LRMDA: variants seen among roughly 807,000 people sequenced by gnomAD.
LRMDA encodes leucine-rich melanocyte differentiation-associated protein.
A neutral mutation model predicts 29.8 loss-of-function variants in LRMDA; 18 were observed. The ratio of observed to expected loss-of-function variants is 0.60; its 90% CI spans 0.42 to 0.90. The LOEUF (loss-of-function observed/expected upper bound fraction) is 0.90, where lower values mean the gene tolerates loss of function less well. Ranked by LOEUF, LRMDA falls within the 40% of genes least tolerant of loss-of-function variation. LRMDA has a pLI of 0.00. For missense variants in LRMDA, 273 were observed against 273.9 expected, an observed-to-expected ratio of 1.00 and a Z score of 0.02; for synonymous variants, 125 against 109.4, an observed-to-expected ratio of 1.14 and a Z score of -0.89.
intron 5 of LRMDA, among the ~76,000 whole-genome samples, chr10:76,261,064 CTTT>C (rs58554883): frequency 1.7e-5 from 2 of 117,730 alleles, no homozygotes; most frequent in South Asian, 2.7e-4. Context: ...CTTTTCTTTT[CTTT>C]TTTTTTTTTT....
At chr10:75,997,892 C>A (rs1175163051) in intron 2 of LRMDA, among the ~76,000 whole-genome samples, 1 of 152,232 alleles carries the variant, frequency 6.6e-6, no homozygotes, top group Non-Finnish European at 1.5e-5. Flanking sequence ...CTTTTCCTCT[C>A]CCCCTCTCTC....
chr10:76,423,728 C>T (rs1218534689), intron 6 of LRMDA, among the ~76,000 whole-genome samples: 1 of 152,244 alleles, frequency 6.6e-6, no homozygotes, highest in African/African-American at 2.4e-5. Context: ...CGATCAAAAT[C>T]TGATGCCCTA....
chr10:76,214,714 T>C (rs571931412), intron 5 of LRMDA, among the ~76,000 whole-genome samples: 4 of 152,298 alleles, frequency 2.6e-5, no homozygotes, highest in African/African-American at 7.2e-5. Flanking sequence ...TGAAGACTTA[T>C]TGACTAGATA....
intron 2 of LRMDA, among the ~76,000 whole-genome samples, chr10:75,488,286 C>G (rs111914500): frequency 0.016 from 2,435 of 152,240 alleles, 28 homozygotes; most frequent in Non-Finnish European, 0.027. Context: ...AGAACTTTTC[C>G]TTTCTTTTCC....
At chr10:76,478,859 G>A (rs575635419) in intron 6 of LRMDA, among the ~76,000 whole-genome samples, 68 of 149,344 alleles carry the variant, frequency 4.6e-4, no homozygotes, top group African/African-American at 1.3e-3. Flanking sequence ...AGAACACTTC[G>A]ACACAGGAAG....
At chr10:75,546,560 C>A (rs1360227676) in intron 2 of LRMDA, among the ~76,000 whole-genome samples, 2 of 151,930 alleles carry the variant, frequency 1.3e-5, no homozygotes, top group Non-Finnish European at 2.9e-5. Context: ...GTATTTTTTT[C>A]TGCTAGTTTC....
intron 2 of LRMDA, among the ~76,000 whole-genome samples, chr10:76,013,188 G>T (rs576952986): frequency 2.2e-4 from 33 of 152,210 alleles, no homozygotes; most frequent in Non-Finnish European, 4.1e-4. Context: ...AGTGAGGGGG[G>T]TGGTAATGGG....
chr10:76,336,546 G>C (rs1213937656), intron 6 of LRMDA, among the ~76,000 whole-genome samples: 1 of 152,138 alleles, frequency 6.6e-6, no homozygotes, highest in Non-Finnish European at 1.5e-5. Context: ...GCTGTTCCAG[G>C]GCAAATGTTT....
chr10:76,458,155 A>T (rs1413533776), intron 6 of LRMDA, among the ~76,000 whole-genome samples: 2 of 92,000 alleles, frequency 2.2e-5, no homozygotes, highest in African/African-American at 7.1e-5. Flanking sequence ...CTGTTTAATT[A>T]AAAAAAATTT....
At chr10:76,392,368 A>G (rs545844971) in intron 6 of LRMDA, among the ~76,000 whole-genome samples, 2 of 152,238 alleles carry the variant, frequency 1.3e-5, no homozygotes, top group East Asian at 3.9e-4. Context: ...TCATGTACAA[A>G]TGTTTTGAAT....
chr10:75,888,021 C>A (rs1589241725), intron 2 of LRMDA, among the ~76,000 whole-genome samples: 1 of 152,280 alleles, frequency 6.6e-6, no homozygotes, highest in East Asian at 1.9e-4. Flanking sequence ...GATTCTATTA[C>A]TATGTAAGAG....
intron 5 of LRMDA, among the ~76,000 whole-genome samples, chr10:76,083,658 G>A (rs952307012): frequency 7.9e-5 from 12 of 152,084 alleles, no homozygotes; most frequent in South Asian, 2.1e-4. Flanking sequence ...GTGAAACCCC[G>A]TCTCTACTAA....
At chr10:75,873,396 T>G (rs1189676736) in intron 2 of LRMDA, among the ~76,000 whole-genome samples, 3 of 152,234 alleles carry the variant, frequency 2.0e-5, no homozygotes, top group African/African-American at 4.8e-5. Flanking sequence ...TTCGAATCAT[T>G]CCTTTTAGTG....
rs181389852 is a variant in LRMDA at position 75,505,407 on chromosome 10, C to T, written c.131+66913C>T. 2.1e-3 allele frequency among the ~76,000 whole-genome samples: 321 copies of T among 152,274 alleles called. 1 individual carries two copies. The highest frequency in any genetic ancestry group is 5.4e-3 in the Admixed American group (82 of 15,298). On this transcript the variant is annotated intron_variant, in intron 2 of 6. Transcript: ENST00000611255. ...CATCCCAAGGGTCAGAACTGAGTCT[C>T]ATGGCCACACATAGTTGTAGATAAT...
intron 2 of LRMDA, among the ~76,000 whole-genome samples, chr10:75,609,545 T>C (rs1756966023): frequency 6.6e-6 from 1 of 152,204 alleles, no homozygotes; most frequent in Non-Finnish European, 1.5e-5. Flanking sequence ...TCTTTCCCCT[T>C]TTAAGAAAAT....
chr10:75,698,350 C>T (rs1327481001), intron 2 of LRMDA, among the ~76,000 whole-genome samples: 1 of 152,242 alleles, frequency 6.6e-6, no homozygotes, highest in Non-Finnish European at 1.5e-5. Context: ...AACACTGGCC[C>T]TTACCTCAGA....
chr10:75,464,265 G>T (rs1473248843), intron 2 of LRMDA, among the ~76,000 whole-genome samples: 1 of 152,214 alleles, frequency 6.6e-6, no homozygotes, highest in Non-Finnish European at 1.5e-5. Context: ...CTTCGAAGGG[G>T]TTGGCTGTGT....
intron 2 of LRMDA, among the ~76,000 whole-genome samples, chr10:75,955,553 A>T (rs1245289853): frequency 6.6e-6 from 1 of 152,198 alleles, no homozygotes; most frequent in Admixed American, 6.5e-5. Flanking sequence ...TTTTCATGGC[A>T]TCTTTACCAT....
chr10:76,302,514 G>T (rs1224753179), intron 5 of LRMDA, among the ~76,000 whole-genome samples: 1 of 151,988 alleles, frequency 6.6e-6, no homozygotes. Flanking sequence ...GGCAGTTCAC[G>T]CTTGGTTTCT....
Sources: allele counts gnomAD v4.1 joint callset (sites outside exome capture counted in the v4.1 genomes callset), GRCh38; gene constraint gnomAD v4.1.1; transcripts MANE v1.5; gene names NCBI Gene and HGNC (gene_info 2026-07-23, HGNC 2026-07-21).